Variants in KIAA0586 observed in about 807,000 individuals in gnomAD.
KIAA0586 encodes the protein KIAA0586, also known as protein TALPID3.
In KIAA0586, 144 loss-of-function variants were observed where a neutral mutation model predicts 169.8. The observed-to-expected ratio is 0.85, with a 90% confidence interval of 0.74 to 0.97. The LOEUF (loss-of-function observed/expected upper bound fraction) is 0.97, where lower values mean the gene tolerates loss of function less well. Among genes scored for constraint, KIAA0586 ranks in the 50% least tolerant of loss-of-function variants. KIAA0586 has a pLI of 0.00. For missense variants in KIAA0586, 1,854 were observed against 1,823.0 expected, an observed-to-expected ratio of 1.02 and a Z score of -0.31; for synonymous variants, 625 against 612.4, an observed-to-expected ratio of 1.02 and a Z score of -0.30.
At position 58,487,010 on chromosome 14, in the gene KIAA0586, A is replaced by G. The variant is rs1366168442; in HGVS notation, c.3148A>G (p.Arg1050Gly). 6.3e-7 allele frequency: 1 copy of G among 1,593,908 alleles called. No homozygotes were observed. The highest frequency in any genetic ancestry group is 8.5e-7 in the Non-Finnish European group (1 of 1,172,848). The change falls in exon 22 of 31, where the codon AGA (arginine) becomes GGA (glycine). Residue 1050 changes from arginine (R) to glycine (G), a missense_variant. Arg to Gly is a moderately radical substitution (Grantham distance 125). Transcript: ENST00000652326. ...ASTNETYLPA[R>G]VCTPLPTPQP... ...TATCTTGTTTTATTTATTTTAGGCA[A>G]GAGTGTGCACCCCACTGCCTACCCC...
intron 27 of KIAA0586, among the ~76,000 whole-genome samples, chr14:58,500,386 G>C (rs1439962142): frequency 6.6e-6 from 1 of 152,098 alleles, no homozygotes; most frequent in African/African-American, 2.4e-5. Context: ...TTCTCCATAA[G>C]ACACAGCGGA....
chr14:58,427,644 T>C (rs2036928646), upstream of KIAA0586: 2 of 1,535,584 alleles, frequency 1.3e-6, no homozygotes, highest in East Asian at 4.9e-5. Flanking sequence ...TTGGGTGAGT[T>C]TCTTGGCGCG....
At position 58,444,159 on chromosome 14, in the gene KIAA0586, A is replaced by G. The variant is rs961699878; in HGVS notation, c.791A>G (p.Gln264Arg). 1 of 1,607,050 alleles carries G rather than the reference A, an allele frequency of 6.2e-7. No individual in the cohort carries two copies. The highest frequency in any genetic ancestry group is 1.3e-5 in the African/African-American group (1 of 74,804). Reference sequence around the variant, plus strand: ...AGGCATCTTGAAAAGTTACAACAACAACAAATAGATATTCAGGTATCTGTA... The same window carrying G: ...AGGCATCTTGAAAAGTTACAACAACGACAAATAGATATTCAGGTATCTGTA... ...HIRHLEKLQQ[Q>R]QIDIQTHFIS... Residue 264 changes from glutamine to arginine, a missense_variant, in exon 6 of 31, where the codon CAA becomes CGA. Gln to Arg is a conservative substitution (Grantham distance 43, BLOSUM62 1). Transcript: ENST00000652326.
intron 30 of KIAA0586, among the ~76,000 whole-genome samples, chr14:58,540,492 A>C (rs549786703): frequency 1.3e-5 from 2 of 152,364 alleles, no homozygotes; most frequent in African/African-American, 2.4e-5. Flanking sequence ...TTTTAAACAA[A>C]GTGAAGCAGC....
At chr14:58,537,768 C>T (rs2046388956) in intron 29 of KIAA0586, among the ~76,000 whole-genome samples, 2 of 152,018 alleles carry the variant, frequency 1.3e-5, no homozygotes. Context: ...CTGCCTCAGC[C>T]TCCCGAGTAG....
chr14:58,452,566 T>A (rs2039477854), intron 8 of KIAA0586, among the ~76,000 whole-genome samples: 1 of 152,216 alleles, frequency 6.6e-6, no homozygotes, highest in Non-Finnish European at 1.5e-5. Flanking sequence ...TAGATAAATC[T>A]CTTCTTTACT....
rs1464772002 is a variant in KIAA0586 at position 58,427,758 on chromosome 14, G to A, written c.-507G>A. 4 of 1,531,754 alleles carry A rather than the reference G, an allele frequency of 2.6e-6. No homozygotes were observed. The highest frequency in any genetic ancestry group is 2.7e-5 in the African/African-American group (2 of 72,896). 94.9% of individuals were successfully genotyped at this position (1,531,754 alleles called of 1,614,324 possible). A position where few individuals can be genotyped will look rare whatever the true frequency, so the allele number is the denominator to read the frequency against. ...ACACCCACGACGGTGCGGGTCTCGG[G>A]CGTTCTGGAGATACGTAGGGGTGAA... On this transcript the variant is annotated 5_prime_UTR_variant, in exon 1 of 31. Transcript: ENST00000652326.
Position 58,487,027 on chromosome 14 carries a change from G to T in KIAA0586, c.3165G>T (p.Leu1055=). The change falls in exon 22 of 31, where the codon CTG becomes CTT. Residue 1055 remains leucine (L), a synonymous_variant. Coordinates refer to ENST00000652326, the MANE Select transcript of KIAA0586 (RefSeq NM_001329943.3). ...TYLPARVCTP[L]PTPQPTPPCS... ...TTTAGGCAAGAGTGTGCACCCCACT[G>T]CCTACCCCACAGCCTACGCCTCCTT... 6.2e-7 allele frequency: 1 copy of T among 1,610,794 alleles called. No individual in the cohort carries two copies. Among genetic ancestry groups the T allele is most frequent in the East Asian group, 2.2e-5 (1 of 44,846 alleles).
chr14:58,534,556 A>T (rs2048224003), intron 29 of KIAA0586, among the ~76,000 whole-genome samples: 1 of 152,208 alleles, frequency 6.6e-6, no homozygotes, highest in South Asian at 2.1e-4. Flanking sequence ...GTAGAGCACG[A>T]AGTATCCTAG....
chr14:58,560,989 C>A, the KIAA0586 span, among the ~76,000 whole-genome samples: 2 of 152,194 alleles, frequency 1.3e-5, no homozygotes, highest in Admixed American at 6.5e-5. Flanking sequence ...TTAACAGCCT[C>A]ATTCTGTTGC....
At chr14:58,465,787 G>A (rs2040711586) in intron 14 of KIAA0586, 48 bp from the exon 15 acceptor site, 1 of 1,179,054 alleles carries the variant, frequency 8.5e-7, no homozygotes. Flanking sequence ...CTGGATAGTA[G>A]ATATTCTAAC....
intron 30 of KIAA0586, among the ~76,000 whole-genome samples, chr14:58,542,567 A>G (rs1418732389): frequency 1.3e-5 from 2 of 152,212 alleles, no homozygotes; most frequent in Non-Finnish European, 2.9e-5. Flanking sequence ...ATTAAAACAC[A>G]GTTAACTAGA....
At chr14:58,497,948 G>A (rs2043278386) in intron 26 of KIAA0586, among the ~76,000 whole-genome samples, 1 of 149,030 alleles carries the variant, frequency 6.7e-6, no homozygotes, top group South Asian at 2.1e-4. Context: ...TGCAATCTCA[G>A]CTCACTGCAA....
Position 58,503,774 on chromosome 14 carries a change from T to C in KIAA0586, c.4169-4781T>C, listed in dbSNP as rs1279237377. 4.6e-5 allele frequency among the ~76,000 whole-genome samples: 7 copies of C among 151,288 alleles called. No homozygotes were observed. The East Asian group carries it at 1.4e-3, about 29-fold the overall frequency. ...CCATGTGGTGAGTGAGGAGGGACCT[T>C]TCAGACAGAATATGCAATGAGACAG... On this transcript the variant is annotated intron_variant, in intron 27 of 30. Coordinates refer to ENST00000652326, the MANE Select transcript of KIAA0586 (RefSeq NM_001329943.3).
intron 15 of KIAA0586, 113 bp from the exon 16 acceptor site, chr14:58,467,622 C>G (rs1293821427): frequency 4.0e-6 from 3 of 748,848 alleles, no homozygotes; most frequent in Non-Finnish European, 6.5e-6. Context: ...GGGTGATTGT[C>G]AGATAGGGCT....
chr14:58,463,518 C>T (rs2040496262), intron 14 of KIAA0586, among the ~76,000 whole-genome samples: 1 of 152,110 alleles, frequency 6.6e-6, no homozygotes, highest in South Asian at 2.1e-4. Flanking sequence ...TTCCTGGGGT[C>T]ATAAACAAAA....
intron 27 of KIAA0586, among the ~76,000 whole-genome samples, chr14:58,499,238 CTTTTA>C (rs1457902194): frequency 6.6e-6 from 1 of 151,994 alleles, no homozygotes; most frequent in Non-Finnish European, 1.5e-5. Context: ...AACTGTGATA[CTTTTA>C]TTTTATTTCA....
intron 4 of KIAA0586, among the ~76,000 whole-genome samples, chr14:58,439,138 T>C (rs1374312016): frequency 2.0e-5 from 3 of 152,180 alleles, no homozygotes; most frequent in Non-Finnish European, 4.4e-5. Flanking sequence ...AATAGTTCTA[T>C]GACAGTGATC....
At chr14:58,494,122 A>G (rs938931890) in intron 26 of KIAA0586, among the ~76,000 whole-genome samples, 1 of 139,814 alleles carries the variant, frequency 7.2e-6, no homozygotes, top group African/African-American at 2.7e-5. Context: ...TCTTCCTTTC[A>G]TTTTTCCCCC....
Sources: allele counts gnomAD v4.1 joint callset (sites outside exome capture counted in the v4.1 genomes callset), GRCh38; gene constraint gnomAD v4.1.1; transcripts MANE v1.5; gene names NCBI Gene and HGNC (gene_info 2026-07-23, HGNC 2026-07-21).